Variants in EBF1 observed in about 807,000 individuals in gnomAD.
EBF1 encodes EBF transcription factor 1, also known as transcription factor COE1.
EBF1 carries 10 observed loss-of-function variants against 68.4 expected under a neutral mutation model. That is an observed-to-expected ratio of 0.15 (90% CI 0.09 to 0.25). The LOEUF (loss-of-function observed/expected upper bound fraction) is 0.25, where lower values mean the gene tolerates loss of function less well. EBF1 is among the 10% of genes least tolerant of loss of function. The pLI is 1.00. For synonymous variants in EBF1, 298 were observed against 299.8 expected (o/e 0.99, Z 0.06); for missense variants, 509 against 794.4 (o/e 0.64, Z 4.32).
intron 7 of EBF1, among the ~76,000 whole-genome samples, chr5:158,830,672 G>A (rs1410252179): frequency 1.3e-5 from 2 of 152,154 alleles, no homozygotes; most frequent in Non-Finnish European, 2.9e-5. Flanking sequence ...TACAGTTTGA[G>A]TATTATTTAC....
At chr5:159,056,921 C>T (rs987600069) in intron 6 of EBF1, among the ~76,000 whole-genome samples, 2 of 152,042 alleles carry the variant, frequency 1.3e-5, no homozygotes, top group Non-Finnish European at 2.9e-5. Flanking sequence ...TGAAATACCT[C>T]TGGCAAACAA....
chr5:158,706,036 T>C (rs1246556729), intron 15 of EBF1, among the ~76,000 whole-genome samples: 4 of 152,242 alleles, frequency 2.6e-5, no homozygotes, highest in African/African-American at 4.8e-5. Flanking sequence ...AAGCATTATA[T>C]CCCTAGTTTG....
intron 6 of EBF1, among the ~76,000 whole-genome samples, chr5:158,856,170 A>T (rs1793965057): frequency 6.6e-6 from 1 of 152,102 alleles, no homozygotes; most frequent in Admixed American, 6.5e-5. Context: ...GATGTCAGAG[A>T]GGGGCCTCTG....
chr5:158,794,002 A>G (rs1779173471), intron 9 of EBF1, among the ~76,000 whole-genome samples: 2 of 152,236 alleles, frequency 1.3e-5, no homozygotes, highest in Admixed American at 1.3e-4. Context: ...TTAAAGTCCT[A>G]CATCCAGGTA....
chr5:159,035,721 T>C (rs1369301489), intron 6 of EBF1, among the ~76,000 whole-genome samples: 1 of 152,198 alleles, frequency 6.6e-6, no homozygotes, highest in East Asian at 1.9e-4. Context: ...AATTATTTTA[T>C]ATGGGTAGGC....
chr5:158,733,685 G>T (rs918825715), intron 10 of EBF1, among the ~76,000 whole-genome samples: 5 of 152,108 alleles, frequency 3.3e-5, no homozygotes, highest in African/African-American at 1.2e-4. Context: ...TAAGGCAAGG[G>T]CTTTTAACTT....
intron 6 of EBF1, among the ~76,000 whole-genome samples, chr5:158,921,431 C>T (rs1246561127): frequency 1.3e-5 from 2 of 152,208 alleles, no homozygotes; most frequent in African/African-American, 4.8e-5. Context: ...GCATCTGCTC[C>T]TATGGTTCCA....
At position 158,712,182 on chromosome 5, in the gene EBF1, G is replaced by A. The variant is rs763968946; in HGVS notation, c.1521C>T (p.Asn507=). The A allele has an allele frequency of 5.2e-5, 84 of 1,613,714 alleles. No homozygotes were observed. Among genetic ancestry groups the A allele is most frequent in the Non-Finnish European group, 6.4e-5 (75 of 1,179,902 alleles). ...SNLGGSPTFL[N]GSAANSPYAI... ...CATAGGGGGAGTTGGCAGCTGAGCC[G>A]TTGAGGAAGGTGGGGGAGCCGCCCA... The change falls in exon 14 of 16, where the codon AAC becomes AAT. Residue 507 remains asparagine, a synonymous_variant. Transcript: ENST00000313708.
intron 6 of EBF1, among the ~76,000 whole-genome samples, chr5:158,875,656 G>A (rs1157490752): frequency 6.6e-6 from 1 of 152,096 alleles, no homozygotes; most frequent in Non-Finnish European, 1.5e-5. Context: ...CAAAGGATGT[G>A]CACAGCTGAA....
chr5:158,726,896 A>G (rs547646806), intron 11 of EBF1, among the ~76,000 whole-genome samples: 259 of 152,340 alleles, frequency 1.7e-3, no homozygotes, highest in Non-Finnish European at 2.9e-3. Flanking sequence ...TGGGGACTCT[A>G]ACTTCTCATC....
At chr5:159,000,387 T>C (rs546752923) in intron 6 of EBF1, among the ~76,000 whole-genome samples, 3 of 152,254 alleles carry the variant, frequency 2.0e-5, no homozygotes, top group Non-Finnish European at 2.9e-5. Context: ...AGTACAATGG[T>C]CATGTCCAGA....
intron 6 of EBF1, among the ~76,000 whole-genome samples, chr5:159,043,203 T>C (rs745344042): frequency 6.6e-6 from 1 of 152,164 alleles, no homozygotes; most frequent in Admixed American, 6.5e-5. Flanking sequence ...GTTAGGAACA[T>C]TGGAGGCTTG....
At chr5:158,929,954 G>T (rs1344161693) in intron 6 of EBF1, among the ~76,000 whole-genome samples, 2 of 152,176 alleles carry the variant, frequency 1.3e-5, no homozygotes, top group Non-Finnish European at 2.9e-5. Context: ...GCCTGTACCA[G>T]CATCAAAGTC....
intron 6 of EBF1, among the ~76,000 whole-genome samples, chr5:158,841,272 A>G (rs942340890): frequency 4.6e-5 from 7 of 152,236 alleles, no homozygotes; most frequent in Non-Finnish European, 1.0e-4. Context: ...CACAGTTGTT[A>G]AAGTCTATCA....
At chr5:159,000,813 A>G (rs981046071) in intron 6 of EBF1, among the ~76,000 whole-genome samples, 3 of 152,176 alleles carry the variant, frequency 2.0e-5, no homozygotes, top group Non-Finnish European at 4.4e-5. Flanking sequence ...ATGTTACAAA[A>G]TGATGATGGG....
chr5:159,053,092 G>A (rs1774101962), intron 6 of EBF1, among the ~76,000 whole-genome samples: 1 of 152,196 alleles, frequency 6.6e-6, no homozygotes, highest in Non-Finnish European at 1.5e-5. Flanking sequence ...AAATGGAAAT[G>A]TTAGTTTTTA....
intron 6 of EBF1, among the ~76,000 whole-genome samples, chr5:158,992,552 C>T (rs1036309318): frequency 2.0e-5 from 3 of 152,198 alleles, no homozygotes; most frequent in Admixed American, 1.3e-4. Flanking sequence ...ATTCTTGGCA[C>T]TGCCAGGAAA....
At chr5:158,890,429 T>C (rs577505175) in intron 6 of EBF1, among the ~76,000 whole-genome samples, 1 of 152,208 alleles carries the variant, frequency 6.6e-6, no homozygotes, top group Admixed American at 6.6e-5. Context: ...CTCAGAACCA[T>C]GCAAACTTCT....
At chr5:158,739,481 G>A (rs761850852) in intron 10 of EBF1, among the ~76,000 whole-genome samples, 4 of 152,132 alleles carry the variant, frequency 2.6e-5, no homozygotes, top group Non-Finnish European at 5.9e-5. Context: ...GCAAACAGAA[G>A]TTGAATGTAC....
Sources: gnomAD v4.1 joint callset for allele counts (sites outside exome capture counted in the v4.1 genomes callset) on GRCh38, gnomAD v4.1.1 for gene constraint, MANE v1.5 for transcripts, NCBI Gene and HGNC (gene_info 2026-07-23, HGNC 2026-07-21) for gene names.